Variants in TNFSF4 observed in about 807,000 individuals in gnomAD.
TNFSF4 encodes TNF superfamily member 4, also known as tumor necrosis factor ligand superfamily member 4.
A neutral mutation model predicts 7.3 loss-of-function variants in TNFSF4; 4 were observed. The observed-to-expected ratio is 0.55, with a 90% confidence interval of 0.27 to 1.25. The LOEUF is 1.25. Among genes scored for constraint, TNFSF4 ranks in the 50% most tolerant of loss-of-function variants. TNFSF4 has a pLI of 0.12. For missense variants in TNFSF4, 181 were observed against 208.8 expected (o/e 0.87, Z 0.82); for synonymous variants, 76 against 83.7 (o/e 0.91, Z 0.50).
chr1:173,372,005 T>C, the TNFSF4 span, among the ~76,000 whole-genome samples: 1 of 152,202 alleles, frequency 6.6e-6, no homozygotes, highest in African/African-American at 2.4e-5. Context: ...ATGTGGATTA[T>C]TTACTTTTGG....
the TNFSF4 span, among the ~76,000 whole-genome samples, chr1:173,448,202 T>C: frequency 6.6e-6 from 1 of 152,174 alleles, no homozygotes; most frequent in African/African-American, 2.4e-5. Context: ...CAGTAATTGA[T>C]AGAAGTAGAC....
chr1:173,398,306 T>C, the TNFSF4 span, among the ~76,000 whole-genome samples: 16 of 151,972 alleles, frequency 1.1e-4, no homozygotes, highest in African/African-American at 3.9e-4. Flanking sequence ...GAGCAAAAAG[T>C]AGATTCTACT....
the TNFSF4 span, among the ~76,000 whole-genome samples, chr1:173,308,844 G>A: frequency 2.6e-5 from 4 of 151,958 alleles, no homozygotes; most frequent in East Asian, 1.9e-4. Context: ...AACATATGGC[G>A]TCCTCATAAG....
the TNFSF4 span, among the ~76,000 whole-genome samples, chr1:173,340,598 G>C: frequency 1.3e-5 from 2 of 152,096 alleles, no homozygotes; most frequent in Non-Finnish European, 2.9e-5. Context: ...AGAAAAGGAG[G>C]AGAGATTGGT....
chr1:173,422,326 GAAAAAAAAAA>G, the TNFSF4 span, among the ~76,000 whole-genome samples: 6 of 89,046 alleles, frequency 6.7e-5, no homozygotes, highest in Non-Finnish European at 2.0e-5. Context: ...TGCCCAGAGT[GAAAAAAAAAA>G]AAAAAAAAAG....
chr1:173,406,709 G>C, the TNFSF4 span, among the ~76,000 whole-genome samples: 2 of 152,130 alleles, frequency 1.3e-5, no homozygotes, highest in African/African-American at 4.8e-5. Context: ...TGTGTCTGTT[G>C]TGCCCAGTGG....
At chr1:173,377,263 C>T in the TNFSF4 span, among the ~76,000 whole-genome samples, 312 of 152,262 alleles carry the variant, frequency 2.0e-3, no homozygotes, top group African/African-American at 6.1e-3. Flanking sequence ...CTTAGAATTT[C>T]GGGGCTAAAT....
At chr1:173,380,762 C>CT in the TNFSF4 span, among the ~76,000 whole-genome samples, 1 of 152,104 alleles carries the variant, frequency 6.6e-6, no homozygotes, top group Non-Finnish European at 1.5e-5. Context: ...CCCAACGCCC[C>CT]TTTCCAGCCA....
the TNFSF4 span, among the ~76,000 whole-genome samples, chr1:173,421,512 G>A: frequency 2.7e-3 from 412 of 152,212 alleles, 1 homozygote; most frequent in Non-Finnish European, 3.9e-3. Flanking sequence ...TCTGCCAGCT[G>A]CTGGTAAAAT....
chr1:173,218,603 TAA>T, the TNFSF4 span, among the ~76,000 whole-genome samples: 6,713 of 149,950 alleles, frequency 0.045, 519 homozygotes, highest in African/African-American at 0.15. Flanking sequence ...CCCTAAAATT[TAA>T]AAAAAAAAAA....
chr1:173,279,696 C>T, the TNFSF4 span, among the ~76,000 whole-genome samples: 14 of 152,218 alleles, frequency 9.2e-5, no homozygotes, highest in Admixed American at 5.9e-4. Context: ...TACCTACACT[C>T]CAAAAACTTA....
chr1:173,316,435 A>G, the TNFSF4 span, among the ~76,000 whole-genome samples: 7 of 152,168 alleles, frequency 4.6e-5, no homozygotes, highest in Non-Finnish European at 1.0e-4. Flanking sequence ...AATAACACAG[A>G]ATATACAGAG....
chr1:173,309,743 T>C, the TNFSF4 span, among the ~76,000 whole-genome samples: 1 of 152,054 alleles, frequency 6.6e-6, no homozygotes, highest in African/African-American at 2.4e-5. Context: ...AAATAGTTTA[T>C]GTAAACCTGG....
chr1:173,322,335 G>C, the TNFSF4 span, among the ~76,000 whole-genome samples: 1 of 152,170 alleles, frequency 6.6e-6, no homozygotes, highest in African/African-American at 2.4e-5. Context: ...AAGGGGGCGG[G>C]GGGCAAGGGG....
At chr1:173,188,108 T>C (rs1649309239) in intron 2 of TNFSF4, among the ~76,000 whole-genome samples, 1 of 152,204 alleles carries the variant, frequency 6.6e-6, no homozygotes, top group Non-Finnish European at 1.5e-5. Context: ...TTTTATTCTA[T>C]CAAGGGCTTC....
chr1:173,386,885 G>A, the TNFSF4 span, among the ~76,000 whole-genome samples: 1 of 152,162 alleles, frequency 6.6e-6, no homozygotes, highest in Non-Finnish European at 1.5e-5. Flanking sequence ...AACTTATTTG[G>A]GACCTATTAC....
At chr1:173,409,253 G>C in the TNFSF4 span, among the ~76,000 whole-genome samples, 1 of 152,320 alleles carries the variant, frequency 6.6e-6, no homozygotes, top group South Asian at 2.1e-4. Context: ...TACTCTGAGA[G>C]GGTCAAAGAG....
the TNFSF4 span, among the ~76,000 whole-genome samples, chr1:173,248,646 G>A: frequency 6.6e-6 from 1 of 152,292 alleles, no homozygotes; most frequent in Non-Finnish European, 1.5e-5. Flanking sequence ...ATCATGGTGG[G>A]ATTATAAGTG....
chr1:173,406,352 T>C, the TNFSF4 span, among the ~76,000 whole-genome samples: 216 of 152,326 alleles, frequency 1.4e-3, no homozygotes, highest in African/African-American at 5.0e-3. Flanking sequence ...ACAAGAGCTA[T>C]ATGCCCCAGT....
Sources: gnomAD v4.1 joint callset for allele counts (sites outside exome capture counted in the v4.1 genomes callset) on GRCh38, gnomAD v4.1.1 for gene constraint, MANE v1.5 for transcripts, NCBI Gene and HGNC (gene_info 2026-07-23, HGNC 2026-07-21) for gene names.